The following NEDD1 variants were observed in gnomAD, a reference collection of about 807,000 sequenced individuals.
NEDD1 encodes protein NEDD1.
In NEDD1, 33 loss-of-function variants were observed where a neutral mutation model predicts 74.0. The observed-to-expected ratio is 0.45, with a 90% CI of 0.34 to 0.60. The LOEUF is 0.60. Among genes scored for constraint, NEDD1 ranks in the 20% least tolerant of loss-of-function variants. The pLI, the probability that NEDD1 is intolerant of heterozygous loss-of-function variation, is 0.01. For synonymous variants in NEDD1, 250 were observed against 264.4 expected, an observed-to-expected ratio of 0.95 and a Z score of 0.53; for missense variants, 746 against 776.5, an observed-to-expected ratio of 0.96 and a Z score of 0.47.
chr12:96,938,847 A>G lies in NEDD1; in HGVS notation c.1117+1454A>G, dbSNP rs547500674. On this transcript the variant is annotated intron_variant, in intron 9 of 15. Transcript: ENST00000266742. ...CTCTCTCTCTCTCTCACACACACAC[A>G]CATTTTTCTTTGCCTCTGAAACATT... 4.0e-5 allele frequency among the ~76,000 whole-genome samples: 6 copies of G among 151,624 alleles called. No homozygotes were observed. In the East Asian group the frequency reaches 9.7e-4, roughly 24 times the overall value.
chr12:96,950,458 GT>G (rs1221597353), intron 14 of NEDD1, among the ~76,000 whole-genome samples: 2 of 151,896 alleles, frequency 1.3e-5, no homozygotes, highest in Admixed American at 6.6e-5. Context: ...TTATAACAAC[GT>G]TGGAATAGTA....
chr12:96,950,212 A>T (rs776768258), intron 14 of NEDD1, among the ~76,000 whole-genome samples: 8 of 152,018 alleles, frequency 5.3e-5, no homozygotes, highest in Non-Finnish European at 8.8e-5. Context: ...TCAGAGAACT[A>T]AAAATGCAAT....
At chr12:96,921,373 G>T (rs1875070316) in intron 6 of NEDD1, among the ~76,000 whole-genome samples, 1 of 152,094 alleles carries the variant, frequency 6.6e-6, no homozygotes, top group African/African-American at 2.4e-5. Flanking sequence ...TAGAGATGGG[G>T]TTTCACCATG....
intron 2 of NEDD1, among the ~76,000 whole-genome samples, chr12:96,908,116 G>A (rs142518711): frequency 2.5e-4 from 38 of 152,266 alleles, no homozygotes; most frequent in African/African-American, 8.4e-4. Context: ...CCTTGACTTG[G>A]GAACCAAGGG....
chr12:96,947,372 A>G (rs1330283516), intron 14 of NEDD1, among the ~76,000 whole-genome samples: 1 of 152,116 alleles, frequency 6.6e-6, no homozygotes, highest in Admixed American at 6.6e-5. Context: ...AAGAGATTTT[A>G]TTTTATACTG....
intron 12 of NEDD1, among the ~76,000 whole-genome samples, chr12:96,944,062 CAA>C (rs1342686582): frequency 2.0e-5 from 3 of 151,930 alleles, no homozygotes; most frequent in Admixed American, 1.3e-4. Context: ...TATACAACAT[CAA>C]GTTGGTGGTT....
chr12:96,936,466 G>A lies in NEDD1; in HGVS notation c.720-145G>A, dbSNP rs1038124339. 4.0e-5 allele frequency: 24 copies of A among 606,632 alleles called. No individual in the cohort carries two copies. The South Asian group carries it at 5.0e-4, about 13-fold the overall frequency. 37.6% of individuals were successfully genotyped at this position (606,632 alleles called of 1,614,324 possible). A position where few individuals can be genotyped will look rare whatever the true frequency, so the allele number is the denominator to read the frequency against. On this transcript the variant is annotated intron_variant, in intron 7 of 15. Transcript: ENST00000266742. ...TCTCTAAGTCAAATTCTGAAATTAT[G>A]CTTTAAACAAATATTTGGGATATGT...
chr12:96,948,639 ATC>A (rs1318042589), intron 14 of NEDD1, among the ~76,000 whole-genome samples: 2 of 152,186 alleles, frequency 1.3e-5, no homozygotes, highest in Non-Finnish European at 2.9e-5. Context: ...AAATCTGTGC[ATC>A]TGTTTCTGTT....
chr12:96,907,420 G>C, intron 1 of NEDD1, 120 bp downstream of exon 1: 1 of 530,280 alleles, frequency 1.9e-6, no homozygotes, highest in East Asian at 3.3e-5. Context: ...TGGGCTTTGC[G>C]CGCCCGGAGC....
At chr12:96,933,941 G>A (rs1297750659) in intron 6 of NEDD1, among the ~76,000 whole-genome samples, 1 of 152,068 alleles carries the variant, frequency 6.6e-6, no homozygotes, top group Non-Finnish European at 1.5e-5. Context: ...GTTTATTCTG[G>A]TCCATGGAAG....
chr12:96,918,777 G>C (rs968897202), intron 5 of NEDD1, among the ~76,000 whole-genome samples: 2 of 152,140 alleles, frequency 1.3e-5, no homozygotes, highest in African/African-American at 4.8e-5. Flanking sequence ...GAAGACACTT[G>C]CCTCTTTATA....
In NEDD1 at chr12:96,945,761, A is replaced by C. The variant is rs1878131030; in HGVS notation, c.1723A>C (p.Ile575Leu). The change falls in exon 14 of 16, where the codon ATT (isoleucine) becomes CTT (leucine). Residue 575 changes from isoleucine (I) to leucine (L), a missense_variant. By Grantham distance (5) the Ile-to-Leu change is conservative (BLOSUM62 2). Coordinates refer to ENST00000266742, the MANE Select transcript of NEDD1 (RefSeq NM_152905.4). Reference sequence around the variant, plus strand: ...ACTCTCAGAAAAAATAGCCGACAGCATTGGAAATAACCGGCAAAATGCACC... The same window carrying C: ...ACTCTCAGAAAAAATAGCCGACAGCCTTGGAAATAACCGGCAAAATGCACC... ...SSLSEKIADS[I>L]GNNRQNAPLT... The C allele has an allele frequency of 6.2e-7, 1 of 1,609,054 alleles. No homozygotes were observed. The highest frequency in any genetic ancestry group is 8.5e-7 in the Non-Finnish European group (1 of 1,175,532).
chr12:96,924,802 G>A (rs1371513947), intron 6 of NEDD1: 1 of 449,950 alleles, frequency 2.2e-6, no homozygotes, highest in Non-Finnish European at 4.4e-6. Flanking sequence ...CTTTATATAT[G>A]TTATTACTTT....
intron 6 of NEDD1, among the ~76,000 whole-genome samples, chr12:96,922,435 T>C (rs1875204728): frequency 6.6e-6 from 1 of 152,138 alleles, no homozygotes; most frequent in South Asian, 2.1e-4. Flanking sequence ...CATGACAAAT[T>C]TATAAATTTT....
chr12:96,949,706 G>C (rs895971537), intron 14 of NEDD1, among the ~76,000 whole-genome samples: 4 of 152,094 alleles, frequency 2.6e-5, no homozygotes, highest in Non-Finnish European at 5.9e-5. Context: ...TGACATACTG[G>C]CCAAAGGAAT....
At chr12:96,918,924 A>G (rs538716503) in intron 5 of NEDD1, among the ~76,000 whole-genome samples, 6 of 152,328 alleles carry the variant, frequency 3.9e-5, no homozygotes, top group African/African-American at 1.4e-4. Flanking sequence ...GTTTTGGGAA[A>G]GGAATAATAG....
intron 11 of NEDD1, 85 bp from the exon 12 acceptor site, chr12:96,943,475 T>A: frequency 1.2e-6 from 1 of 846,378 alleles, no homozygotes; most frequent in Non-Finnish European, 1.9e-6. Flanking sequence ...TCTTCCATGT[T>A]AATCTGCCTA....
intron 9 of NEDD1, among the ~76,000 whole-genome samples, chr12:96,940,208 T>C (rs555696751): frequency 2.0e-5 from 3 of 151,366 alleles, no homozygotes; most frequent in Non-Finnish European, 3.0e-5. Flanking sequence ...TGGTTAACTT[T>C]AGCTCTTGTC....
intron 6 of NEDD1, among the ~76,000 whole-genome samples, chr12:96,932,334 C>T (rs770123166): frequency 3.5e-5 from 5 of 142,128 alleles, no homozygotes; most frequent in Middle Eastern, 3.6e-3. Flanking sequence ...AGGCCAGGTG[C>T]GGTGGCTCAC....
Sources: allele counts gnomAD v4.1 joint callset (sites outside exome capture counted in the v4.1 genomes callset), GRCh38; gene constraint gnomAD v4.1.1; transcripts MANE v1.5; gene names NCBI Gene and HGNC (gene_info 2026-07-23, HGNC 2026-07-21).